PRKG1: variants seen among roughly 807,000 people sequenced by gnomAD.
PRKG1 encodes cGMP-dependent protein kinase 1.
Under a neutral mutation model 88.1 loss-of-function variants are expected in PRKG1, and 35 were observed. The ratio of observed to expected loss-of-function variants is 0.40; its 90% CI spans 0.30 to 0.53. The LOEUF is 0.53. Among genes scored for constraint, PRKG1 ranks in the 20% least tolerant of loss-of-function variants. The pLI is 0.59. For synonymous variants in PRKG1, 303 were observed against 292.5 expected (o/e 1.04, Z -0.37); for missense variants, 540 against 839.8 (o/e 0.64, Z 4.41).
At chr10:51,257,000 T>C (rs1046608971) in intron 2 of PRKG1, among the ~76,000 whole-genome samples, 7 of 151,892 alleles carry the variant, frequency 4.6e-5, no homozygotes, top group African/African-American at 1.7e-4. Context: ...AAATTAAAAT[T>C]AAAAAAATTC....
At chr10:51,758,810 T>A (rs1373621046) in intron 3 of PRKG1, among the ~76,000 whole-genome samples, 1 of 152,142 alleles carries the variant, frequency 6.6e-6, no homozygotes, top group Admixed American at 6.5e-5. Context: ...AAGCTCCACA[T>A]GCATTAGGTA....
intron 2 of PRKG1, among the ~76,000 whole-genome samples, chr10:51,348,274 C>T (rs1292705950): frequency 6.6e-6 from 1 of 152,158 alleles, no homozygotes; most frequent in African/African-American, 2.4e-5. Flanking sequence ...CCGATATGTG[C>T]AATCATCCTT....
At chr10:51,296,525 A>G (rs1056914734) in intron 2 of PRKG1, among the ~76,000 whole-genome samples, 4 of 152,012 alleles carry the variant, frequency 2.6e-5, no homozygotes, top group Non-Finnish European at 4.4e-5. Context: ...CCATTGTAAT[A>G]TCTTCTCTTT....
intron 5 of PRKG1, among the ~76,000 whole-genome samples, chr10:51,968,494 C>G (rs549852484): frequency 1.9e-4 from 29 of 152,062 alleles, no homozygotes; most frequent in Admixed American, 9.2e-4. Context: ...CCTGTGTGTG[C>G]TGAGTGGCGA....
At chr10:51,139,520 C>T (rs1172486616) in intron 1 of PRKG1, among the ~76,000 whole-genome samples, 1 of 152,140 alleles carries the variant, frequency 6.6e-6, no homozygotes, top group Non-Finnish European at 1.5e-5. Flanking sequence ...CTTGACCCCA[C>T]CTCTAGGTTT....
chr10:51,254,119 A>T (rs867231756), intron 2 of PRKG1, among the ~76,000 whole-genome samples: 27 of 152,032 alleles, frequency 1.8e-4, no homozygotes, highest in African/African-American at 6.5e-4. Context: ...TATATTCAAG[A>T]TTTTACCATT....
intron 3 of PRKG1, among the ~76,000 whole-genome samples, chr10:51,717,160 T>C (rs1345633460): frequency 1.3e-5 from 2 of 152,098 alleles, no homozygotes; most frequent in South Asian, 2.1e-4. Flanking sequence ...GGTCTGAAAA[T>C]AGAGCAGAGC....
intron 3 of PRKG1, among the ~76,000 whole-genome samples, chr10:51,486,131 T>C (rs1195419615): frequency 6.6e-6 from 1 of 152,114 alleles, no homozygotes; most frequent in Non-Finnish European, 1.5e-5. Context: ...TAAGAACACA[T>C]ACCAGAATAT....
intron 1 of PRKG1, among the ~76,000 whole-genome samples, chr10:51,152,022 T>A (rs374938927): frequency 9.9e-5 from 15 of 152,044 alleles, no homozygotes; most frequent in African/African-American, 3.6e-4. Context: ...TGCTGCCTCC[T>A]CTCTGGATTG....
At chr10:51,524,529 T>C (rs1228193986) in intron 3 of PRKG1, among the ~76,000 whole-genome samples, 2 of 152,246 alleles carry the variant, frequency 1.3e-5, no homozygotes, top group African/African-American at 4.8e-5. Flanking sequence ...CACAGGGCAT[T>C]ATTCTTTTGA....
chr10:51,341,231 T>A (rs1841997632), intron 2 of PRKG1, among the ~76,000 whole-genome samples: 1 of 152,198 alleles, frequency 6.6e-6, no homozygotes, highest in Non-Finnish European at 1.5e-5. Context: ...AGGCAATTTC[T>A]GTGAATAATT....
rs1455574468 is a variant in PRKG1, at chr10:52,295,507, T to G, written c.*1607T>G. ...GCCAGTTGACTATTATTAGCTGTCA[T>G]AAGTAACTCAGCCATTTGGAAGCAT... On this transcript the variant is annotated 3_prime_UTR_variant, in exon 18 of 18. Coordinates refer to ENST00000373980, the MANE Select transcript of PRKG1 (RefSeq NM_006258.4). 6.6e-6 allele frequency: 1 copy of G among 152,050 alleles called. No individual in the cohort carries two copies. Among genetic ancestry groups the G allele is most frequent in the Admixed American group, 6.6e-5 (1 of 15,232 alleles). 9.4% of individuals were successfully genotyped at this position (152,050 alleles called of 1,614,324 possible). A position where few individuals can be genotyped will look rare whatever the true frequency, so the allele number is the denominator to read the frequency against.
chr10:52,046,414 C>G (rs4256924), intron 5 of PRKG1, among the ~76,000 whole-genome samples: 24,834 of 151,840 alleles, frequency 0.16, 2,144 homozygotes, highest in East Asian at 0.3. Flanking sequence ...CTGCCTGCCT[C>G]GGAAAAGCTT....
intron 2 of PRKG1, among the ~76,000 whole-genome samples, chr10:51,437,277 A>C (rs1838959870): frequency 6.6e-6 from 1 of 152,024 alleles, no homozygotes; most frequent in Admixed American, 6.6e-5. Context: ...GTAAGGAACT[A>C]GACTATTCTG....
chr10:51,856,192 A>G (rs947406921), intron 4 of PRKG1, among the ~76,000 whole-genome samples: 41 of 152,318 alleles, frequency 2.7e-4, no homozygotes, highest in African/African-American at 9.6e-4. Flanking sequence ...CATATAATCC[A>G]GGATAATCCC....
chr10:51,456,381 A>T (rs1839586153), intron 2 of PRKG1, among the ~76,000 whole-genome samples: 1 of 152,162 alleles, frequency 6.6e-6, no homozygotes, highest in Admixed American at 6.6e-5. Context: ...GATAATTGTC[A>T]AGCCACATAT....
chr10:51,400,739 A>G (rs1359621363), intron 2 of PRKG1, among the ~76,000 whole-genome samples: 1 of 152,200 alleles, frequency 6.6e-6, no homozygotes, highest in Non-Finnish European at 1.5e-5. Flanking sequence ...TTCTGAGTTC[A>G]TATTTTCCTA....
At chr10:51,614,858 TATG>T (rs1399673696) in intron 3 of PRKG1, among the ~76,000 whole-genome samples, 1 of 152,106 alleles carries the variant, frequency 6.6e-6, no homozygotes, top group Non-Finnish European at 1.5e-5. Flanking sequence ...CTCTCTCATT[TATG>T]AAGGATACTT....
intron 5 of PRKG1, among the ~76,000 whole-genome samples, chr10:52,009,735 A>G (rs189977940): frequency 6.6e-6 from 1 of 152,342 alleles, no homozygotes; most frequent in East Asian, 1.9e-4. Context: ...AAGGAAAAAG[A>G]ACAAATCTGG....
Sources: allele counts gnomAD v4.1 joint callset (sites outside exome capture counted in the v4.1 genomes callset), GRCh38; gene constraint gnomAD v4.1.1; transcripts MANE v1.5; gene names NCBI Gene and HGNC (gene_info 2026-07-23, HGNC 2026-07-21).